MIGA2: variants seen among roughly 807,000 people sequenced by gnomAD.
MIGA2 encodes family with sequence similarity 73, member B.
MIGA2 carries 36 observed loss-of-function variants against 69.9 expected under a neutral mutation model. The ratio of observed to expected loss-of-function variants is 0.52; its 90% confidence interval spans 0.39 to 0.68. The LOEUF is 0.68. Among genes scored for constraint, MIGA2 ranks in the 30% least tolerant of loss-of-function variants. The pLI is 0.00. For synonymous variants in MIGA2, 333 were observed against 349.2 expected (o/e 0.95, Z 0.52); for missense variants, 660 against 787.7 (o/e 0.84, Z 1.94).
At chr9:129,057,357 G>C (rs534146575) in intron 6 of MIGA2, among the ~76,000 whole-genome samples, 2 of 146,864 alleles carry the variant, frequency 1.4e-5, no homozygotes, top group African/African-American at 2.5e-5. Flanking sequence ...AGTGGCTCTC[G>C]ATCTCGGCTC....
At chr9:129,067,522 C>G (rs1564620629) in intron 11 of MIGA2, 2 of 513,194 alleles carry the variant, frequency 3.9e-6, no homozygotes, top group Admixed American at 3.5e-5. Context: ...TGAGATCACA[C>G]TGTCACACTG....
intron 2 of MIGA2, 172 bp from the exon 3 acceptor site, chr9:129,042,132 G>A (rs1844939396): frequency 1.6e-6 from 1 of 636,248 alleles, no homozygotes; most frequent in African/African-American, 1.8e-5. Context: ...TGTGTTTCAG[G>A]GAGGCTGGTC....
chr9:129,069,672 C>A lies in MIGA2; in HGVS notation c.1459-177C>A. The A allele has an allele frequency of 1.6e-6, 1 of 642,210 alleles. No individual in the cohort carries two copies. The highest frequency in any genetic ancestry group is 2.8e-6 in the Non-Finnish European group (1 of 353,552). The allele number at this position is 642,210 out of a possible 1,614,324, so 39.8% of individuals were successfully genotyped here. ...GTACTCACAGCGGCCCATGGTTACC[C>A]TGTCTGCAGAAGTTAAAATGGGCTT... On this transcript the variant is annotated intron_variant, in intron 14 of 15. Coordinates refer to ENST00000684074, the MANE Select transcript of MIGA2 (RefSeq NM_001329990.2). The surrounding 1 kb of genome is among the most constrained non-coding windows in gnomAD (Gnocchi z 4.9).
intron 11 of MIGA2, among the ~76,000 whole-genome samples, chr9:129,065,891 T>G (rs1393967160): frequency 3.3e-5 from 5 of 152,188 alleles, no homozygotes; most frequent in Admixed American, 3.3e-4. Context: ...CTCACTACCC[T>G]GCCTCCTGCT....
chr9:129,063,445 CAGG>C, intron 10 of MIGA2, 97 bp from the exon 11 acceptor site: 1 of 1,549,096 alleles, frequency 6.5e-7, no homozygotes, highest in Admixed American at 1.7e-5. Flanking sequence ...TCCTCTGTGG[CAGG>C]TGGGCCACCT....
chr9:129,037,103 C>T, intron 1 of MIGA2: 13 of 970,422 alleles, frequency 1.3e-5, no homozygotes, highest in Non-Finnish European at 1.6e-5. Flanking sequence ...TTTCTGAAGA[C>T]GGGGATATTG....
Position 129,059,008 on chromosome 9 carries a change from C to G in MIGA2, c.676-146C>G, listed in dbSNP as rs550569128. Reference sequence around the variant, plus strand: ...CAGAAGTGGCTGGTGGCTCCTCTATCGAGCAGTGAAGTTTTGGAGTTTATG... The same window carrying G: ...CAGAAGTGGCTGGTGGCTCCTCTATGGAGCAGTGAAGTTTTGGAGTTTATG... On this transcript the variant is annotated intron_variant, in intron 6 of 15. Coordinates refer to ENST00000684074, the MANE Select transcript of MIGA2 (RefSeq NM_001329990.2). This position sits in a 1 kb window ranked among gnomAD's most constrained non-coding sequence, Gnocchi z 5.6. The G allele has an allele frequency of 4.6e-6, 3 of 652,444 alleles. No individual in the cohort carries two copies. In the African/African-American group the frequency reaches 5.5e-5, roughly 12 times the overall value. 40.4% of individuals were successfully genotyped at this position (652,444 alleles called of 1,614,324 possible).
chr9:129,049,282 C>T, intron 4 of MIGA2, 99 bp from the exon 5 acceptor site: 8 of 1,106,948 alleles, frequency 7.2e-6, no homozygotes, highest in East Asian at 2.5e-5. Context: ...TTGGAGGGGG[C>T]GTGTGGCCCA....
chr9:129,069,239 C>T lies in MIGA2; in HGVS notation c.1458+110C>T. On this transcript the variant is annotated intron_variant, in intron 14 of 15. Transcript: ENST00000684074. The surrounding 1 kb of genome is among the most constrained non-coding windows in gnomAD (Gnocchi z 4.9). ...TGGGCCACTTGGCCTTCACCGCTCA[C>T]AGTCCTGGCCCCCTTGTTCCGCCGT... is the stretch of plus-strand genomic sequence containing the variant. 7.4e-7 allele frequency: 1 copy of T among 1,348,504 alleles called. No homozygotes were observed. The highest frequency in any genetic ancestry group is 1.1e-6 in the Non-Finnish European group (1 of 950,522). The allele number at this position is 1,348,504 out of a possible 1,614,324, so 83.5% of individuals were successfully genotyped here. A position where few individuals can be genotyped will look rare whatever the true frequency, so the allele number is the denominator to read the frequency against.
Position 129,040,591 on chromosome 9 carries a change from T to A in MIGA2, c.-4T>A. ...AGGACTTTGCCTGGGGCATTGGCCC[T>A]GCCATGGCGTTCCGGAGGGCCGAGG... On this transcript the variant is annotated 5_prime_UTR_variant, in exon 2 of 16. Coordinates refer to ENST00000684074, the MANE Select transcript of MIGA2 (RefSeq NM_001329990.2). 6.2e-7 allele frequency: 1 copy of A among 1,610,042 alleles called. No individual in the cohort carries two copies. Among genetic ancestry groups the A allele is most frequent in the Non-Finnish European group, 8.5e-7 (1 of 1,177,104 alleles).
chr9:129,036,781 C>A, intron 1 of MIGA2, 100 bp downstream of exon 1: 1 of 213,468 alleles, frequency 4.7e-6, no homozygotes, highest in Non-Finnish European at 8.6e-6. Flanking sequence ...CCGGGCCCAA[C>A]AGGACCAGGA....
chr9:129,052,927 T>C (rs1845623101), intron 6 of MIGA2, among the ~76,000 whole-genome samples: 1 of 151,542 alleles, frequency 6.6e-6, no homozygotes, highest in South Asian at 2.1e-4. Flanking sequence ...CCTGTAGGAG[T>C]GTGTTGGTGA....
Position 129,040,571 on chromosome 9 carries a change from T to G in MIGA2, c.-24T>G. On this transcript the variant is annotated 5_prime_UTR_variant, in exon 2 of 16. Transcript: ENST00000684074. ...CTTGGAAGCTCTTGGCCCTGAGGAC[T>G]TTGCCTGGGGCATTGGCCCTGCCAT... 1.2e-6 allele frequency: 2 copies of G among 1,602,978 alleles called. No individual in the cohort carries two copies. The highest frequency in any genetic ancestry group is 1.7e-6 in the Non-Finnish European group (2 of 1,172,094).
chr9:129,064,256 G>A (rs1846219010), intron 11 of MIGA2, among the ~76,000 whole-genome samples: 1 of 151,852 alleles, frequency 6.6e-6, no homozygotes, highest in Non-Finnish European at 1.5e-5. Context: ...GCCCAGGCTG[G>A]AGTGCAGTGG....
intron 15 of MIGA2, 33 bp from the exon 16 acceptor site, chr9:129,070,214 G>A (rs1222179593): frequency 3.1e-6 from 5 of 1,597,560 alleles, no homozygotes; most frequent in Non-Finnish European, 4.3e-6. Flanking sequence ...GGCAGTGGCT[G>A]GGCCAGGCCT....
At chr9:129,066,822 G>T (rs1265129037) in intron 11 of MIGA2, among the ~76,000 whole-genome samples, 15 of 143,866 alleles carry the variant, frequency 1.0e-4, no homozygotes, top group Admixed American at 9.0e-4. Flanking sequence ...TTAGCCGGGC[G>T]TGGTGGCGGG....
chr9:129,037,157 C>A, intron 1 of MIGA2: 1 of 649,582 alleles, frequency 1.5e-6, no homozygotes, highest in Non-Finnish European at 2.0e-6. Flanking sequence ...CATGGTGGGA[C>A]TATTGAGGGG....
rs1440802123 is a variant in MIGA2, at chr9:129,071,623, T to TCTCCCCTG, written c.*1171_*1178dup. The TCTCCCCTG allele has an allele frequency of 6.6e-6, 1 of 151,760 alleles. No individual in the cohort carries two copies. The highest frequency in any genetic ancestry group is 1.9e-4 in the East Asian group (1 of 5,130). The allele number at this position is 151,760 out of a possible 1,614,324, so 9.4% of individuals were successfully genotyped here. A position where few individuals can be genotyped will look rare whatever the true frequency, so the allele number is the denominator to read the frequency against. ...GACTGGCTCCTGTGACCAGGGCCCC[T>TCTCCCCTG]CTCCCCTGAATGGGAAAGGGGTCTG... On this transcript the variant is annotated 3_prime_UTR_variant, in exon 16 of 16. Coordinates refer to ENST00000684074, the MANE Select transcript of MIGA2 (RefSeq NM_001329990.2).
rs141673948 is a variant in MIGA2 at position 129,053,000 on chromosome 9, A to C, written c.675+3037A>C. Among the ~76,000 whole-genome samples, 28 of 152,332 alleles carry C rather than the reference A, an allele frequency of 1.8e-4. No homozygotes were observed. In the East Asian group the frequency reaches 5.4e-3, roughly 29 times the overall value. On this transcript the variant is annotated intron_variant, in intron 6 of 15. Transcript: ENST00000684074. ...TATTTCTTGCTAAAAACTATATCTG[A>C]AAATGATAGAATTTGCATTGTTTTC...
Sources: gnomAD v4.1 joint callset for allele counts (sites outside exome capture counted in the v4.1 genomes callset) on GRCh38, gnomAD v4.1.1 for gene constraint, Gnocchi (gnomAD v3.1) non-coding constraint, MANE v1.5 for transcripts, NCBI Gene and HGNC (gene_info 2026-07-23, HGNC 2026-07-21) for gene names.